RBFOX1: variants seen among roughly 807,000 people sequenced by gnomAD.
RBFOX1 encodes RNA binding fox-1 homolog 1.
Under a neutral mutation model 57.7 loss-of-function variants are expected in RBFOX1, and 8 were observed. The ratio of observed to expected loss-of-function variants is 0.14; its 90% confidence interval spans 0.08 to 0.25. The LOEUF (loss-of-function observed/expected upper bound fraction) is 0.25, where lower values mean the gene tolerates loss of function less well. RBFOX1 is among the 10% of genes least tolerant of loss of function. The pLI, the probability that RBFOX1 is intolerant of heterozygous loss-of-function variation, is 1.00. For missense variants in RBFOX1, 611 were observed against 548.5 expected (o/e 1.11, Z -1.14); for synonymous variants, 326 against 222.4 (o/e 1.47, Z -4.15).
intron 2 of RBFOX1, among the ~76,000 whole-genome samples, chr16:5,485,995 C>T (rs892201712): frequency 1.3e-5 from 2 of 152,190 alleles, no homozygotes; most frequent in Non-Finnish European, 2.9e-5. Flanking sequence ...GCAGCCAGCT[C>T]ATAGTCAGAA....
At chr16:6,352,776 C>T (rs916961229) in intron 2 of RBFOX1, among the ~76,000 whole-genome samples, 49 of 152,182 alleles carry the variant, frequency 3.2e-4, no homozygotes, top group Non-Finnish European at 5.4e-4. Context: ...CAAGTTACTG[C>T]GACGCTGCCT....
At chr16:6,960,034 C>G (rs968339689) in intron 3 of RBFOX1, among the ~76,000 whole-genome samples, 1 of 152,132 alleles carries the variant, frequency 6.6e-6, no homozygotes, top group Admixed American at 6.5e-5. Flanking sequence ...TAGGCCTTTC[C>G]TAGGCCTTGA....
intron 4 of RBFOX1, among the ~76,000 whole-genome samples, chr16:7,227,280 A>ACCCC (rs1374051082): frequency 1.6e-3 from 144 of 89,282 alleles, no homozygotes; most frequent in East Asian, 4.2e-3. Context: ...TACCACACAC[A>ACCCC]CCCCACCCCA....
chr16:5,882,885 A>G (rs7500300), intron 4 of RBFOX1, among the ~76,000 whole-genome samples: 79,989 of 152,144 alleles, frequency 0.53, 22,750 homozygotes, highest in African/African-American at 0.75. Context: ...AAGAGAAAAC[A>G]TGAAAATGTG....
At chr16:6,981,570 C>T (rs749708183) in intron 3 of RBFOX1, among the ~76,000 whole-genome samples, 2 of 152,100 alleles carry the variant, frequency 1.3e-5, no homozygotes, top group African/African-American at 2.4e-5. Context: ...AATTGACTGA[C>T]AGTTCCACGT....
At chr16:6,787,578 C>A (rs539823582) in intron 3 of RBFOX1, among the ~76,000 whole-genome samples, 57 of 152,244 alleles carry the variant, frequency 3.7e-4, no homozygotes, top group Non-Finnish European at 7.3e-4. Context: ...CCGTAAATCA[C>A]CTGTGACACC....
At chr16:5,636,639 T>C (rs12927095) in intron 3 of RBFOX1, among the ~76,000 whole-genome samples, 24,720 of 152,156 alleles carry the variant, frequency 0.16, 2,474 homozygotes, top group South Asian at 0.31. Context: ...CAGCCAACTT[T>C]CGTACTCGTA....
In RBFOX1 at chr16:6,838,553, A is replaced by G. The variant is rs142576893; in HGVS notation, c.-16+183903A>G. 4.6e-5 allele frequency among the ~76,000 whole-genome samples: 7 copies of G among 152,296 alleles called. No homozygotes were observed. The East Asian group carries it at 1.4e-3, about 29-fold the overall frequency. On this transcript the variant is annotated intron_variant, in intron 3 of 15. Coordinates refer to ENST00000550418, the MANE Select transcript of RBFOX1 (RefSeq NM_018723.4). ...AACTGCTTCTGAGCTGCTACTCTGC[A>G]CACACTGCCTATGAGGTAGTCCTCT... is the stretch of plus-strand genomic sequence containing the variant.
At chr16:5,978,206 C>T (rs1021764822) in intron 4 of RBFOX1, among the ~76,000 whole-genome samples, 4 of 135,122 alleles carry the variant, frequency 3.0e-5, no homozygotes, top group Non-Finnish European at 4.6e-5. Context: ...CCCAAATACT[C>T]AGGAGGCTGA....
chr16:5,276,960 G>A lies in RBFOX1; in HGVS notation c.219+36855G>A, dbSNP rs542897885. Among the ~76,000 whole-genome samples, 3 of 152,222 alleles carry A rather than the reference G, an allele frequency of 2.0e-5. No individual in the cohort carries two copies. In the East Asian group the frequency reaches 5.8e-4, roughly 29 times the overall value. On this transcript the variant is annotated intron_variant, in intron 1 of 2. Coordinates refer to the RBFOX1 transcript ENST00000585867. The stretch of plus-strand genomic sequence containing the variant: ...CTACTAAGTATCTACCCAGAGAAAA[G>A]GAAGTCATCGTATGAAAAAGACACT...
intron 1 of RBFOX1, among the ~76,000 whole-genome samples, chr16:5,351,881 G>A (rs2065269460): frequency 6.6e-6 from 1 of 152,168 alleles, no homozygotes; most frequent in South Asian, 2.1e-4. Context: ...TTGGCTCACT[G>A]CAGCCTCTAC....
At chr16:6,176,400 C>T (rs1170960404) in intron 1 of RBFOX1, among the ~76,000 whole-genome samples, 2 of 149,312 alleles carry the variant, frequency 1.3e-5, no homozygotes, top group African/African-American at 5.0e-5. Flanking sequence ...CTCAGGTCAT[C>T]CGCCCGCCTC....
chr16:6,422,131 C>G (rs1055848631), intron 2 of RBFOX1, among the ~76,000 whole-genome samples: 1 of 151,870 alleles, frequency 6.6e-6, no homozygotes, highest in East Asian at 1.9e-4. Flanking sequence ...CCATTTTGGC[C>G]TGGCTGGTCT....
At chr16:5,705,399 C>G (rs1406480181) in intron 3 of RBFOX1, among the ~76,000 whole-genome samples, 1 of 152,132 alleles carries the variant, frequency 6.6e-6, no homozygotes, top group Non-Finnish European at 1.5e-5. Context: ...GTAGCTGGGA[C>G]TACAGGCATG....
At chr16:7,323,535 G>C (rs2096572610) in intron 4 of RBFOX1, among the ~76,000 whole-genome samples, 1 of 152,334 alleles carries the variant, frequency 6.6e-6, no homozygotes, top group South Asian at 2.1e-4. Context: ...GAGCACAAGG[G>C]AGTTTTGTAG....
chr16:7,116,459 C>G (rs1012318891), intron 4 of RBFOX1, among the ~76,000 whole-genome samples: 1 of 152,148 alleles, frequency 6.6e-6, no homozygotes, highest in African/African-American at 2.4e-5. Flanking sequence ...AAACTCTCCT[C>G]TCAAACCAGT....
chr16:7,557,220 T>A (rs571530157), intron 5 of RBFOX1, among the ~76,000 whole-genome samples: 1 of 152,262 alleles, frequency 6.6e-6, no homozygotes, highest in East Asian at 1.9e-4. Flanking sequence ...TTTCTTCCTA[T>A]AGCTGAGGGC....
chr16:6,178,806 T>G (rs974451892), intron 1 of RBFOX1, among the ~76,000 whole-genome samples: 1 of 152,182 alleles, frequency 6.6e-6, no homozygotes, highest in Non-Finnish European at 1.5e-5. Flanking sequence ...AATTGATCTT[T>G]TTAGCAAGGG....
At chr16:5,337,467 G>C (rs2064926055) in intron 1 of RBFOX1, among the ~76,000 whole-genome samples, 1 of 152,098 alleles carries the variant, frequency 6.6e-6, no homozygotes, top group South Asian at 2.1e-4. Context: ...TTTTTCCTAA[G>C]TAAATGCAGA....
Sources: allele counts gnomAD v4.1 joint callset (sites outside exome capture counted in the v4.1 genomes callset), GRCh38; gene constraint gnomAD v4.1.1; transcripts MANE v1.5; gene names NCBI Gene and HGNC (gene_info 2026-07-23, HGNC 2026-07-21).